SUSD5: variants seen among roughly 807,000 people sequenced by gnomAD.
SUSD5 encodes the protein sushi domain-containing protein 5.
Under a neutral mutation model 29.5 loss-of-function variants are expected in SUSD5, and 33 were observed. That is an observed-to-expected ratio of 1.12 (90% CI 0.85 to 1.49). The LOEUF is 1.49. Ranked by LOEUF, SUSD5 falls within the 40% of genes most tolerant of loss-of-function variation. SUSD5 has a pLI of 0.00. For missense variants in SUSD5, 776 were observed against 800.6 expected (o/e 0.97, Z 0.37); for synonymous variants, 308 against 325.3 (o/e 0.95, Z 0.57).
At chr3:33,182,646 T>C (rs541562550) in intron 3 of SUSD5, among the ~76,000 whole-genome samples, 1 of 152,356 alleles carries the variant, frequency 6.6e-6, no homozygotes, top group Non-Finnish European at 1.5e-5. Context: ...CTTCTTAGAA[T>C]ATTGACCTCT....
intron 3 of SUSD5, among the ~76,000 whole-genome samples, chr3:33,178,871 C>T (rs529606365): frequency 6.6e-6 from 1 of 152,284 alleles, no homozygotes; most frequent in African/African-American, 2.4e-5. Flanking sequence ...ATAATTTCTG[C>T]CACTAGTGAA....
chr3:33,190,609 A>G (rs1332464849), intron 3 of SUSD5, among the ~76,000 whole-genome samples: 2 of 152,126 alleles, frequency 1.3e-5, no homozygotes, highest in Admixed American at 6.6e-5. Context: ...ATTGTAACAT[A>G]CCTTTATACT....
Position 33,154,049 on chromosome 3 carries a change from G to A in SUSD5, c.599-16C>T, listed in dbSNP as rs1339352289. On this transcript the variant is annotated splice_polypyrimidine_tract_variant and intron_variant, in intron 4 of 4. Transcript: ENST00000309558. ...TCAGCCTCATCTGGAAGAAAAGAGG[G>A]AAAAAACCTCATTAGCTCCAAAGGC... is the stretch of plus-strand genomic sequence containing the variant. 2 of 1,552,352 alleles carry A rather than the reference G, an allele frequency of 1.3e-6. No homozygotes were observed. Among genetic ancestry groups the A allele is most frequent in the Admixed American group, 2.1e-5 (1 of 47,266 alleles).
In SUSD5 at chr3:33,150,673, T is replaced by C. The variant is rs2030851846; in HGVS notation, c.*2069A>G. 6.6e-6 allele frequency: 1 copy of C among 152,230 alleles called. No homozygotes were observed. The allele number at this position is 152,230 out of a possible 1,614,324, so 9.4% of individuals were successfully genotyped here. A position where few individuals can be genotyped will look rare whatever the true frequency, so the allele number is the denominator to read the frequency against. On this transcript the variant is annotated 3_prime_UTR_variant, in exon 5 of 5. Coordinates refer to ENST00000309558, the MANE Select transcript of SUSD5 (RefSeq NM_015551.2). ...CTTCAGGCTTTATTTTACCCAACTA[T>C]GGGGAATAAGATCTTTGATTATGCT...
chr3:33,171,784 T>C (rs1214505987), intron 4 of SUSD5, among the ~76,000 whole-genome samples: 1 of 152,148 alleles, frequency 6.6e-6, no homozygotes, highest in African/African-American at 2.4e-5. Context: ...CATGTTAGCT[T>C]TCATTTACTT....
chr3:33,159,008 C>T (rs563698127), intron 4 of SUSD5, among the ~76,000 whole-genome samples: 4 of 152,330 alleles, frequency 2.6e-5, no homozygotes, highest in South Asian at 2.1e-4. Context: ...CTTGCTTGCA[C>T]GAATCCGGAG....
rs1349727067 is a variant in SUSD5, at chr3:33,153,891, C to T, written c.741G>A (p.Gln247=). 6.2e-7 allele frequency: 1 copy of T among 1,614,030 alleles called. No individual in the cohort carries two copies. The highest frequency in any genetic ancestry group is 8.5e-7 in the Non-Finnish European group (1 of 1,179,890). The change falls in exon 5 of 5, where the codon CAG becomes CAA. Residue 247 remains glutamine (Q), a synonymous_variant. Transcript: ENST00000309558. ...QGDSSEEAPK[Q]DRLVSISVGR... is the part of the protein sequence containing the mutation. The stretch of plus-strand genomic sequence containing the variant: ...CCACAGAAATGGAGACCAGACGGTC[C>T]TGTTTTGGAGCCTCCTCAGAGGAGT...
chr3:33,215,344 C>A (rs901964735), intron 1 of SUSD5, among the ~76,000 whole-genome samples: 4 of 152,062 alleles, frequency 2.6e-5, no homozygotes, highest in African/African-American at 9.7e-5. Flanking sequence ...TAGGCACACA[C>A]AGAACATTTG....
chr3:33,213,667 G>A (rs1308970956), intron 2 of SUSD5, among the ~76,000 whole-genome samples: 1 of 151,282 alleles, frequency 6.6e-6, no homozygotes, highest in Non-Finnish European at 1.5e-5. Context: ...CCAGCTACTC[G>A]GGAGGCTGAG....
At chr3:33,162,059 A>G (rs1025346870) in intron 4 of SUSD5, among the ~76,000 whole-genome samples, 2 of 152,202 alleles carry the variant, frequency 1.3e-5, no homozygotes, top group Non-Finnish European at 2.9e-5. Context: ...ATTTTTACAA[A>G]ATAGACCATA....
intron 1 of SUSD5, among the ~76,000 whole-genome samples, chr3:33,215,763 A>G (rs2032418919): frequency 2.6e-5 from 4 of 152,192 alleles, no homozygotes; most frequent in Admixed American, 2.6e-4. Flanking sequence ...TTCTAAATAA[A>G]CTGTGTTCAA....
Position 33,153,116 on chromosome 3 carries a change from T to A in SUSD5, c.1516A>T (p.Thr506Ser). The change falls in exon 5 of 5, where the codon ACA becomes TCA. Residue 506 changes from threonine to serine, a missense_variant. Physicochemically the swap from Thr to Ser is moderately conservative, Grantham distance 58. Coordinates refer to ENST00000309558, the MANE Select transcript of SUSD5 (RefSeq NM_015551.2). ...EILTVNTVKQ[T>S]PNHIPSTIMA... The stretch of plus-strand genomic sequence containing the variant: ...ATCGTTGAGGGGATGTGGTTAGGTG[T>A]CTGCTTGACAGTGTTCACTGTTAAT... 1.8e-5 allele frequency: 29 copies of A among 1,613,910 alleles called. No individual in the cohort carries two copies. Among genetic ancestry groups the A allele is most frequent in the Non-Finnish European group, 2.2e-5 (26 of 1,179,866 alleles).
rs2032374406 is a variant in SUSD5, at chr3:33,213,911, G to C, written c.290+17C>G. The C allele has an allele frequency of 6.3e-7, 1 of 1,574,984 alleles. No homozygotes were observed. Among genetic ancestry groups the C allele is most frequent in the African/African-American group, 1.4e-5 (1 of 73,998 alleles). On this transcript the variant is annotated intron_variant, in intron 2 of 4. Transcript: ENST00000309558. ...GCAACTGGGGTGAGTTGGAAAAGGAGTGCTCGCCTAACTTACCCAAGAGTA... is the reference window on the plus strand; with the variant it reads ...GCAACTGGGGTGAGTTGGAAAAGGACTGCTCGCCTAACTTACCCAAGAGTA...
rs1338439375 is a variant in SUSD5 at position 33,204,343 on chromosome 3, GAC to G, written c.409+3463_409+3464del. Among the ~76,000 whole-genome samples the G allele has an allele frequency of 6.6e-6, 1 of 151,662 alleles. No individual in the cohort carries two copies. The highest frequency in any genetic ancestry group is 1.5e-5 in the Non-Finnish European group (1 of 67,936). ...GTTTGTTTGTTTGTTTGTTTTTTGAGACAGTCTTGTTCTGTCACCCAGGGTGG... is the reference window on the plus strand; with the variant it reads ...GTTTGTTTGTTTGTTTGTTTTTTGAGAGTCTTGTTCTGTCACCCAGGGTGG... On this transcript the variant is annotated intron_variant, in intron 3 of 4. Transcript: ENST00000309558. This position sits in a 1 kb window ranked among gnomAD's most constrained non-coding sequence, Gnocchi z 4.5.
In SUSD5 at chr3:33,202,024, T is replaced by TTATCTAAC. The variant is rs146861505; in HGVS notation, c.409+5783_409+5784insGTTAGATA. On this transcript the variant is annotated intron_variant, in intron 3 of 4. Coordinates refer to ENST00000309558, the MANE Select transcript of SUSD5 (RefSeq NM_015551.2). ...TTAACTCCTTGAGAGAGGGGAGAAG[T>TTATCTAAC]TATCTATCTATCTATCTATCTATCT... 2.4e-3 allele frequency among the ~76,000 whole-genome samples: 353 copies of TTATCTAAC among 146,646 alleles called. 2 individuals are homozygous for TTATCTAAC. The highest frequency in any genetic ancestry group is 8.9e-3 in the African/African-American group (346 of 38,710).
intron 3 of SUSD5, among the ~76,000 whole-genome samples, chr3:33,205,459 G>C (rs1212917256): frequency 6.6e-6 from 1 of 152,156 alleles, no homozygotes; most frequent in Non-Finnish European, 1.5e-5. Context: ...GCATAAAAAT[G>C]AATCACTGAA....
chr3:33,154,683 T>C (rs1259389421), intron 4 of SUSD5, among the ~76,000 whole-genome samples: 1 of 152,072 alleles, frequency 6.6e-6, no homozygotes, highest in African/African-American at 2.4e-5. Context: ...ACAATAACAT[T>C]AAAAAAACCA....
At chr3:33,213,459 C>T (rs575530520) in intron 2 of SUSD5, among the ~76,000 whole-genome samples, 1 of 152,222 alleles carries the variant, frequency 6.6e-6, no homozygotes, top group African/African-American at 2.4e-5. Context: ...AGAACTATGA[C>T]AGAACTCCAG....
chr3:33,179,401 A>G (rs12632856), intron 3 of SUSD5, among the ~76,000 whole-genome samples: 34,825 of 152,080 alleles, frequency 0.23, 4,441 homozygotes, highest in East Asian at 0.47. Flanking sequence ...CTGTGTAGAA[A>G]TGTGATTGGA....
Sources: allele counts gnomAD v4.1 joint callset (sites outside exome capture counted in the v4.1 genomes callset), GRCh38; gene constraint gnomAD v4.1.1; non-coding constraint Gnocchi (gnomAD v3.1); transcripts MANE v1.5; gene names NCBI Gene and HGNC (gene_info 2026-07-23, HGNC 2026-07-21).